The following STAM2 variants were observed in gnomAD, a reference collection of about 807,000 sequenced individuals.
STAM2 encodes the protein signal transducing adaptor molecule 2, also known as signal transducing adapter molecule 2.
STAM2 carries 51 observed loss-of-function variants against 65.6 expected under a neutral mutation model. The observed-to-expected ratio is 0.78, with a 90% CI of 0.62 to 0.98. The LOEUF (loss-of-function observed/expected upper bound fraction) is 0.98, where lower values mean the gene tolerates loss of function less well. Among genes scored for constraint, STAM2 ranks in the 50% least tolerant of loss-of-function variants. The pLI is 0.00. For synonymous variants in STAM2, 198 were observed against 208.4 expected (o/e 0.95, Z 0.43); for missense variants, 584 against 617.8 (o/e 0.95, Z 0.58).
chr2:152,126,438 ATAAAT>A, intron 11 of STAM2, 59 bp from the exon 12 acceptor site: 1 of 1,081,664 alleles, frequency 9.2e-7, no homozygotes, highest in Non-Finnish European at 1.2e-6. Flanking sequence ...ATTTAGTAAT[ATAAAT>A]TATTTTTTTA....
rs575009275 is a variant in STAM2, at chr2:152,159,110, T to TATATATATATATATATACAC, written c.41-8882_41-8881insGTGTATATATATATATATAT. ...AAAAAAAACCATATATATATATATA[T>TATATATATATATATATACAC]ACACACACAGATATATATAATTTTT... On this transcript the variant is annotated intron_variant, in intron 1 of 13. Coordinates refer to ENST00000263904, the MANE Select transcript of STAM2 (RefSeq NM_005843.6). Among the ~76,000 whole-genome samples the TATATATATATATATATACAC allele has an allele frequency of 1.0e-4, 13 of 129,276 alleles. No individual in the cohort carries two copies. In the East Asian group the frequency reaches 2.2e-3, roughly 22 times the overall value. The allele number at this position is 129,276 out of a possible 152,430, so 84.8% of individuals were successfully genotyped here.
At chr2:152,133,947 T>TA (rs1465430137) in intron 8 of STAM2, among the ~76,000 whole-genome samples, 1 of 152,128 alleles carries the variant, frequency 6.6e-6, no homozygotes, top group Non-Finnish European at 1.5e-5. Context: ...CCCTTCTATT[T>TA]AAAAAAACTA....
chr2:152,122,070 A>G (rs1284679018), intron 13 of STAM2, among the ~76,000 whole-genome samples: 5 of 112,254 alleles, frequency 4.5e-5, no homozygotes, highest in Admixed American at 3.2e-4. Context: ...ATATATATAT[A>G]TATATATGTG....
intron 1 of STAM2, among the ~76,000 whole-genome samples, chr2:152,162,365 G>A (rs567879410): frequency 6.6e-6 from 1 of 152,140 alleles, no homozygotes; most frequent in South Asian, 2.1e-4. Flanking sequence ...TGAGAGTCCA[G>A]GAGTTCAAGA....
chr2:152,137,384 T>C (rs1560214053), intron 7 of STAM2, among the ~76,000 whole-genome samples: 2 of 152,242 alleles, frequency 1.3e-5, no homozygotes, highest in African/African-American at 4.8e-5. Flanking sequence ...AAGCATCTAC[T>C]TGTGCTTGCT....
intron 12 of STAM2, chr2:152,124,181 T>C: frequency 2.2e-6 from 1 of 446,084 alleles, no homozygotes; most frequent in Non-Finnish European, 4.0e-6. Flanking sequence ...AGACAGGTGG[T>C]GTACTTTTAA....
At position 152,133,556 on chromosome 2, in the gene STAM2, C is replaced by A. The variant is rs535339077; in HGVS notation, c.800-72G>T. Reference sequence around the variant, plus strand: ...ATTTTAGTCATTAATTTATAAGTGGCCTATGATTGTCCATAAGAAAAAAAA... The same window carrying A: ...ATTTTAGTCATTAATTTATAAGTGGACTATGATTGTCCATAAGAAAAAAAA... On this transcript the variant is annotated intron_variant, in intron 8 of 13. Transcript: ENST00000263904. 1.2e-4 allele frequency: 136 copies of A among 1,150,498 alleles called. 2 individuals are homozygous for A. The South Asian group carries it at 1.7e-3, about 15-fold the overall frequency. 71.3% of individuals were successfully genotyped at this position (1,150,498 alleles called of 1,614,324 possible). A position where few individuals can be genotyped will look rare whatever the true frequency, so the allele number is the denominator to read the frequency against.
chr2:152,147,366 A>C, intron 4 of STAM2, 58 bp from the exon 5 acceptor site: 3 of 1,411,126 alleles, frequency 2.1e-6, no homozygotes, highest in Non-Finnish European at 2.8e-6. Flanking sequence ...TAAGTACTTA[A>C]ATTATTTAAC....
intron 1 of STAM2, among the ~76,000 whole-genome samples, chr2:152,173,361 C>CACATATATATACACATATATATATGTAT: frequency 7.0e-6 from 1 of 142,706 alleles, no homozygotes; most frequent in East Asian, 2.0e-4. Context: ...CGTATATACA[C>CACATATATATACACATATATATATGTAT]ACATATATAT....
intron 1 of STAM2, among the ~76,000 whole-genome samples, chr2:152,159,111 A>G (rs1415024848): frequency 8.5e-6 from 1 of 117,358 alleles, no homozygotes; most frequent in African/African-American, 3.3e-5. Context: ...ATATATATAT[A>G]CACACACAGA....
rs1689352675 is a variant in STAM2, at chr2:152,147,297, T to C, written c.312A>G (p.Lys104=). The C allele has an allele frequency of 3.2e-6, 5 of 1,560,528 alleles. No homozygotes were observed. The highest frequency in any genetic ancestry group is 4.1e-5 in the Admixed American group (2 of 48,498). Residue 104 remains lysine, a synonymous_variant, in exon 5 of 14, where the codon AAA becomes AAG. Transcript: ENST00000263904. ...TTAAAGATTTCAGTTTTTCACATAC[T>C]TTAGGATGTGCCTTTTAAGGAAAAG... ...RAVIKNKAHP[K]VCEKLKSLMV...
rs543922904 is a variant in STAM2, at chr2:152,167,237, G to T, written c.40+8366C>A. Reference sequence around the variant, plus strand: ...AAACTAAAGAAAGGCCTCCCTGAATGCAACAGAGATCGCCATAACAGGTCT... The same window carrying T: ...AAACTAAAGAAAGGCCTCCCTGAATTCAACAGAGATCGCCATAACAGGTCT... On this transcript the variant is annotated intron_variant, in intron 1 of 13. Coordinates refer to ENST00000263904, the MANE Select transcript of STAM2 (RefSeq NM_005843.6). Among the ~76,000 whole-genome samples the T allele has an allele frequency of 2.0e-5, 3 of 152,258 alleles. No individual in the cohort carries two copies. In the East Asian group the frequency reaches 5.8e-4, roughly 29 times the overall value.
intron 1 of STAM2, among the ~76,000 whole-genome samples, chr2:152,154,918 C>G (rs1689513828): frequency 6.6e-6 from 1 of 152,146 alleles, no homozygotes; most frequent in Non-Finnish European, 1.5e-5. Context: ...CCATTAGGTA[C>G]TCAATCTGTC....
At chr2:152,169,861 T>A (rs1035767975) in intron 1 of STAM2, among the ~76,000 whole-genome samples, 2 of 151,658 alleles carry the variant, frequency 1.3e-5, no homozygotes, top group Non-Finnish European at 2.9e-5. Flanking sequence ...CTACACTTTT[T>A]TTTTTTTTTT....
rs1034474575 is a variant in STAM2 at position 152,118,671 on chromosome 2, T to C, written c.*1903A>G. 14 of 151,556 alleles carry C rather than the reference T, an allele frequency of 9.2e-5. No individual in the cohort carries two copies. The East Asian group carries it at 2.7e-3, about 29-fold the overall frequency. 9.4% of individuals were successfully genotyped at this position (151,556 alleles called of 1,614,324 possible). On this transcript the variant is annotated 3_prime_UTR_variant, in exon 14 of 14. Transcript: ENST00000263904. ...GTAAGAAATTCCATATATATGCAAA[T>C]GTTGACTATTATCGAGAGCAGCTTT...
rs1191144269 is a variant in STAM2, at chr2:152,148,308, A to C, written c.126-8T>G. ...TTTAGGCAATCTTTCGCTCTAAAAA[A>C]AAAAAGAGAGAGAGAGACAGTTAAG... is the stretch of plus-strand genomic sequence containing the variant. On this transcript the variant is annotated splice_region_variant and splice_polypyrimidine_tract_variant and intron_variant, in intron 2 of 13. Coordinates refer to ENST00000263904, the MANE Select transcript of STAM2 (RefSeq NM_005843.6). The C allele has an allele frequency of 6.3e-7, 1 of 1,593,774 alleles. No individual in the cohort carries two copies. Among genetic ancestry groups the C allele is most frequent in the Non-Finnish European group, 8.5e-7 (1 of 1,170,198 alleles).
chr2:152,175,722 G>C lies in STAM2; in HGVS notation c.-80C>G, dbSNP rs1367208570. On this transcript the variant is annotated 5_prime_UTR_variant, in exon 1 of 14. Transcript: ENST00000263904. Reference sequence around the variant, plus strand: ...TACCCGCCGGGTGACCCGCGGCCGCGGCTCCCTAGACCGCTCCGCTTCGGC... The same window carrying C: ...TACCCGCCGGGTGACCCGCGGCCGCCGCTCCCTAGACCGCTCCGCTTCGGC... The C allele has an allele frequency of 9.3e-6, 14 of 1,498,792 alleles. No homozygotes were observed. The highest frequency in any genetic ancestry group is 3.9e-5 in the Admixed American group (2 of 51,520). 92.8% of individuals were successfully genotyped at this position (1,498,792 alleles called of 1,614,324 possible).
chr2:152,162,342 C>T (rs1253908724), intron 1 of STAM2, among the ~76,000 whole-genome samples: 2 of 152,038 alleles, frequency 1.3e-5, no homozygotes, highest in African/African-American at 4.8e-5. Context: ...GAGGCCAAGG[C>T]AGGAGGATCA....
intron 11 of STAM2, chr2:152,131,810 G>T: frequency 3.2e-6 from 1 of 307,832 alleles, no homozygotes; most frequent in South Asian, 4.8e-5. Flanking sequence ...CTAGAGAGTA[G>T]GCACACTGGC....
Sources: allele counts gnomAD v4.1 joint callset (sites outside exome capture counted in the v4.1 genomes callset), GRCh38; gene constraint gnomAD v4.1.1; transcripts MANE v1.5; gene names NCBI Gene and HGNC (gene_info 2026-07-23, HGNC 2026-07-21).